DPP10: variants seen among roughly 807,000 people sequenced by gnomAD.
DPP10 encodes the protein dipeptidyl peptidase like 10, also known as inactive dipeptidyl peptidase 10.
In DPP10, 33 loss-of-function variants were observed where a neutral mutation model predicts 120.9. That is an observed-to-expected ratio of 0.27 (90% CI 0.21 to 0.37). The LOEUF (loss-of-function observed/expected upper bound fraction) is 0.37. DPP10 is among the 10% of genes least tolerant of loss of function. DPP10 has a pLI of 1.00. For synonymous variants in DPP10, 337 were observed against 326.1 expected (o/e 1.03, Z -0.36); for missense variants, 816 against 942.8 (o/e 0.87, Z 1.76).
At chr2:115,297,815 A>G (rs2060955762) in intron 1 of DPP10, among the ~76,000 whole-genome samples, 2 of 152,062 alleles carry the variant, frequency 1.3e-5, no homozygotes, top group South Asian at 4.1e-4. Context: ...AATCAAGCTT[A>G]AAGATGATGG....
intron 1 of DPP10, among the ~76,000 whole-genome samples, chr2:115,010,397 A>G (rs1338972452): frequency 2.0e-5 from 3 of 152,198 alleles, no homozygotes; most frequent in Admixed American, 2.0e-4. Context: ...ATATGGATAT[A>G]GTTTACACAT....
chr2:115,450,443 A>C (rs1372856197), intron 3 of DPP10, among the ~76,000 whole-genome samples: 1 of 152,034 alleles, frequency 6.6e-6, no homozygotes, highest in East Asian at 1.9e-4. Flanking sequence ...ATTCTAACTG[A>C]ATAAAGCCCT....
At chr2:115,159,089 A>C (rs919798918) in intron 1 of DPP10, among the ~76,000 whole-genome samples, 21 of 152,178 alleles carry the variant, frequency 1.4e-4, no homozygotes, top group African/African-American at 4.8e-4. Context: ...TAACATCAAC[A>C]TATCATCACA....
At chr2:114,619,299 A>G (rs1693906259) in intron 1 of DPP10, among the ~76,000 whole-genome samples, 2 of 151,962 alleles carry the variant, frequency 1.3e-5, no homozygotes, top group African/African-American at 4.8e-5. Context: ...TACAGTTAAC[A>G]GTAAGCACAG....
chr2:114,734,668 T>G (rs1226816811), intron 1 of DPP10, among the ~76,000 whole-genome samples: 1 of 152,186 alleles, frequency 6.6e-6, no homozygotes, highest in Non-Finnish European at 1.5e-5. Context: ...CTAAAAATAT[T>G]TTACAGAGTT....
intron 3 of DPP10, among the ~76,000 whole-genome samples, chr2:115,362,050 G>A (rs2064811172): frequency 6.6e-6 from 1 of 151,908 alleles, no homozygotes; most frequent in Admixed American, 6.6e-5. Flanking sequence ...GTGTATATTT[G>A]TGTGTTTGTG....
intron 1 of DPP10, among the ~76,000 whole-genome samples, chr2:115,304,635 G>A (rs2061286064): frequency 1.3e-5 from 2 of 151,740 alleles, no homozygotes; most frequent in South Asian, 4.2e-4. Flanking sequence ...AATACATATG[G>A]CAGATAAATA....
chr2:115,538,681 A>G (rs971029701), intron 5 of DPP10, among the ~76,000 whole-genome samples: 1 of 152,052 alleles, frequency 6.6e-6, no homozygotes, highest in Non-Finnish European at 1.5e-5. Context: ...GTTATTGGCC[A>G]CAGCTCAGTA....
intron 3 of DPP10, among the ~76,000 whole-genome samples, chr2:115,435,896 A>C (rs1558655851): frequency 6.6e-6 from 1 of 151,918 alleles, no homozygotes; most frequent in African/African-American, 2.4e-5. Context: ...GTCAAGTTTC[A>C]TTCTTCTGCA....
chr2:115,732,898 C>T (rs1303681435), intron 8 of DPP10, among the ~76,000 whole-genome samples: 6 of 152,130 alleles, frequency 3.9e-5, no homozygotes, highest in African/African-American at 1.4e-4. Context: ...ATACGGGTTT[C>T]CATGTCTTGG....
intron 1 of DPP10, among the ~76,000 whole-genome samples, chr2:114,629,108 C>T (rs1469945505): frequency 1.3e-5 from 2 of 152,080 alleles, no homozygotes; most frequent in African/African-American, 4.8e-5. Flanking sequence ...GAATGCGCAG[C>T]CAAATTTGTG....
intron 21 of DPP10, among the ~76,000 whole-genome samples, chr2:115,823,518 C>T (rs988182270): frequency 1.8e-4 from 27 of 152,068 alleles, no homozygotes; most frequent in Admixed American, 4.6e-4. Context: ...GGCATTAGAA[C>T]GAAAGGTCAA....
chr2:114,919,658 C>T (rs1215841619), intron 1 of DPP10, among the ~76,000 whole-genome samples: 1 of 152,166 alleles, frequency 6.6e-6, no homozygotes, highest in African/African-American at 2.4e-5. Flanking sequence ...CAGACATCAA[C>T]AGTTCTGGTT....
intron 8 of DPP10, among the ~76,000 whole-genome samples, chr2:115,735,906 G>T (rs1676434447): frequency 1.3e-5 from 2 of 151,896 alleles, no homozygotes; most frequent in Admixed American, 6.6e-5. Context: ...AAATGTATTT[G>T]TGACTCTCCT....
chr2:115,104,457 TATTG>T (rs772921684), intron 1 of DPP10, among the ~76,000 whole-genome samples: 27 of 152,276 alleles, frequency 1.8e-4, no homozygotes, highest in Non-Finnish European at 3.2e-4. Context: ...TGCTGTTTAT[TATTG>T]ATTGATTCAT....
intron 21 of DPP10, among the ~76,000 whole-genome samples, chr2:115,820,668 T>C (rs1177053991): frequency 1.3e-5 from 2 of 152,040 alleles, no homozygotes; most frequent in Non-Finnish European, 2.9e-5. Context: ...CACTTATGAG[T>C]GAGAATATAT....
chr2:115,478,179 G>A (rs1431357011), intron 3 of DPP10, among the ~76,000 whole-genome samples: 1 of 152,096 alleles, frequency 6.6e-6, no homozygotes, highest in African/African-American at 2.4e-5. Context: ...GGGAGAAACA[G>A]CCAAACCACA....
At chr2:115,566,731 G>A (rs2081030770) in intron 5 of DPP10, among the ~76,000 whole-genome samples, 1 of 152,118 alleles carries the variant, frequency 6.6e-6, no homozygotes, top group Admixed American at 6.5e-5. Context: ...AAGGCATCAG[G>A]AGCTGGTCTT....
intron 3 of DPP10, among the ~76,000 whole-genome samples, chr2:115,414,567 AT>A (rs573791098): frequency 7.8e-4 from 118 of 152,194 alleles, no homozygotes; most frequent in African/African-American, 2.7e-3. Flanking sequence ...ACTGATATGT[AT>A]TTTTTTAGAC....
Sources: allele counts gnomAD v4.1 joint callset (sites outside exome capture counted in the v4.1 genomes callset), GRCh38; gene constraint gnomAD v4.1.1; transcripts MANE v1.5; gene names NCBI Gene and HGNC (gene_info 2026-07-23, HGNC 2026-07-21).